The following ZMYND11 variants were observed in gnomAD, a reference collection of about 807,000 sequenced individuals.
ZMYND11 encodes the protein zinc finger MYND domain-containing protein 11.
Under a neutral mutation model 84.9 loss-of-function variants are expected in ZMYND11, and 9 were observed. The observed-to-expected ratio is 0.11, with a 90% CI of 0.06 to 0.18. ZMYND11 has a LOEUF of 0.18. Ranked by LOEUF, ZMYND11 falls within the 10% of genes least tolerant of loss-of-function variation. The pLI, the probability that ZMYND11 is intolerant of heterozygous loss-of-function variation, is 1.00. For missense variants in ZMYND11, 409 were observed against 761.0 expected, an observed-to-expected ratio of 0.54 and a Z score of 5.44; for synonymous variants, 250 against 244.1, an observed-to-expected ratio of 1.02 and a Z score of -0.23.
intron 4 of ZMYND11, among the ~76,000 whole-genome samples, chr10:234,101 A>G (rs1195301476): frequency 6.6e-6 from 1 of 152,248 alleles, no homozygotes; most frequent in Admixed American, 6.5e-5. Flanking sequence ...CAATAGTGAT[A>G]TTAATTCTGA....
intron 4 of ZMYND11, among the ~76,000 whole-genome samples, chr10:223,705 T>TAACA (rs1947567637): frequency 6.6e-6 from 1 of 152,216 alleles, no homozygotes; most frequent in Non-Finnish European, 1.5e-5. Context: ...AGATAAGTAC[T>TAACA]AACAATTCTT....
chr10:232,193 A>G (rs1298263631), intron 4 of ZMYND11, among the ~76,000 whole-genome samples: 1 of 152,192 alleles, frequency 6.6e-6, no homozygotes, highest in African/African-American at 2.4e-5. Flanking sequence ...GCTTTTTCTC[A>G]AGTCATTGAA....
At chr10:239,288 T>C (rs1486223545) in intron 6 of ZMYND11, 150 bp from the exon 7 acceptor site, 1 of 615,450 alleles carries the variant, frequency 1.6e-6, no homozygotes, top group African/African-American at 1.8e-5. Context: ...CGTTGTTGGC[T>C]TCTTTTACAC....
intron 2 of ZMYND11, among the ~76,000 whole-genome samples, chr10:189,277 C>CT (rs1340630998): frequency 1.3e-5 from 2 of 152,158 alleles, no homozygotes; most frequent in Non-Finnish European, 2.9e-5. Context: ...CACATTATTT[C>CT]TTTAACTTTT....
chr10:158,986 T>TTG (rs2131446387), intron 1 of ZMYND11, among the ~76,000 whole-genome samples: 1 of 132,966 alleles, frequency 7.5e-6, no homozygotes, highest in African/African-American at 2.7e-5. Flanking sequence ...GGTTTTTTGT[T>TTG]TTTTGTTTTT....
At chr10:190,590 C>G (rs927999288) in intron 2 of ZMYND11, among the ~76,000 whole-genome samples, 6 of 152,152 alleles carry the variant, frequency 3.9e-5, no homozygotes, top group South Asian at 2.1e-4. Flanking sequence ...TTAAAATTCT[C>G]TTTTGATTTC....
At chr10:234,980 A>C in intron 4 of ZMYND11, among the ~76,000 whole-genome samples, 1 of 71,600 alleles carries the variant, frequency 1.4e-5, no homozygotes, top group Admixed American at 1.5e-4. Flanking sequence ...AGTATTTCGC[A>C]AATGTGTGTG....
At chr10:209,809 T>G in intron 2 of ZMYND11, 80 bp from the exon 3 acceptor site, 7 of 1,377,768 alleles carry the variant, frequency 5.1e-6, no homozygotes, top group Non-Finnish European at 7.0e-6. Context: ...TGAAAGAAAT[T>G]ACCACCATTT....
intron 1 of ZMYND11, among the ~76,000 whole-genome samples, chr10:155,976 AAAC>A (rs1412916433): frequency 6.6e-6 from 1 of 152,248 alleles, no homozygotes; most frequent in African/African-American, 2.4e-5. Context: ...AGGAGATAGA[AAAC>A]AACAAATTTC....
At chr10:175,951 T>C (rs1213671343) in intron 1 of ZMYND11, among the ~76,000 whole-genome samples, 6 of 152,224 alleles carry the variant, frequency 3.9e-5, no homozygotes, top group African/African-American at 1.4e-4. Context: ...TTTCACACTG[T>C]GCTCCTCCAT....
intron 1 of ZMYND11, among the ~76,000 whole-genome samples, chr10:164,039 A>AT (rs1262650106): frequency 2.0e-5 from 3 of 152,124 alleles, no homozygotes; most frequent in African/African-American, 7.2e-5. Flanking sequence ...TTGATTGATT[A>AT]TGTAGCATTT....
intron 1 of ZMYND11, among the ~76,000 whole-genome samples, chr10:179,642 A>G (rs1847418322): frequency 6.6e-6 from 1 of 152,252 alleles, no homozygotes; most frequent in Non-Finnish European, 1.5e-5. Flanking sequence ...ATCAAATTAC[A>G]AACAACGCGA....
intron 10 of ZMYND11, among the ~76,000 whole-genome samples, chr10:243,580 G>A (rs1238325583): frequency 6.6e-6 from 1 of 152,110 alleles, no homozygotes; most frequent in Non-Finnish European, 1.5e-5. Context: ...GAATATTTGG[G>A]TTAGGCCAGG....
intron 2 of ZMYND11, among the ~76,000 whole-genome samples, chr10:180,838 A>C (rs1041517767): frequency 6.6e-6 from 1 of 152,260 alleles, no homozygotes; most frequent in Non-Finnish European, 1.5e-5. Context: ...ACTACTTTAT[A>C]GCCCACTAAC....
At chr10:242,965 A>G (rs1375010706) in intron 10 of ZMYND11, among the ~76,000 whole-genome samples, 1 of 150,828 alleles carries the variant, frequency 6.6e-6, no homozygotes. Context: ...CCAATAAAAT[A>G]ACTCAATACA....
chr10:249,541 TACTTTA>T (rs1589303586), intron 14 of ZMYND11: 1 of 984,938 alleles, frequency 1.0e-6, no homozygotes, highest in Non-Finnish European at 1.2e-6. Context: ...CAGTTACTTT[TACTTTA>T]TAGTAGTGAC....
intron 2 of ZMYND11, among the ~76,000 whole-genome samples, chr10:194,347 C>T (rs1327782114): frequency 3.9e-5 from 6 of 152,106 alleles, no homozygotes; most frequent in South Asian, 4.1e-4. Flanking sequence ...TGAGCCACCA[C>T]GCCTGGCTAG....
chr10:219,375 T>C (rs1350104048), intron 3 of ZMYND11, among the ~76,000 whole-genome samples: 1 of 151,962 alleles, frequency 6.6e-6, no homozygotes, highest in African/African-American at 2.4e-5. Flanking sequence ...TTCTTTTTAA[T>C]ATTGAGTCAA....
At chr10:208,121 C>T (rs950489077) in intron 2 of ZMYND11, among the ~76,000 whole-genome samples, 1 of 152,172 alleles carries the variant, frequency 6.6e-6, no homozygotes, top group Non-Finnish European at 1.5e-5. Flanking sequence ...TGGATCCCTT[C>T]CTTACACCTT....
Sources: gnomAD v4.1 joint callset for allele counts (sites outside exome capture counted in the v4.1 genomes callset) on GRCh38, gnomAD v4.1.1 for gene constraint, MANE v1.5 for transcripts, NCBI Gene and HGNC (gene_info 2026-07-23, HGNC 2026-07-21) for gene names.